MAGEL2: variants seen among roughly 807,000 people sequenced by gnomAD.
MAGEL2 encodes MAGE-like protein 2.
For synonymous variants in MAGEL2, 792 were observed against 721.7 expected (o/e 1.10, Z -1.56); for missense variants, 1,830 against 1,699.2 (o/e 1.08, Z -1.35).
Position 23,643,828 on chromosome 15 carries a change from A to T in MAGEL2, c.*165T>A. 1.4e-6 allele frequency: 1 copy of T among 690,662 alleles called. No homozygotes were observed. Among genetic ancestry groups the T allele is most frequent in the Non-Finnish European group, 2.3e-6 (1 of 443,322 alleles). 42.8% of individuals were successfully genotyped at this position (690,662 alleles called of 1,614,324 possible). A position where few individuals can be genotyped will look rare whatever the true frequency, so the allele number is the denominator to read the frequency against. On this transcript the variant is annotated 3_prime_UTR_variant, in exon 1 of 1. Transcript: ENST00000650528. The stretch of plus-strand genomic sequence containing the variant: ...AGAACAGTAGCCGATTGAAATCAAC[A>T]CCACATAAAAAATGTACAAAGCTTT...
Position 23,643,742 on chromosome 15 carries a change from T to C in MAGEL2, c.*251A>G. The stretch of plus-strand genomic sequence containing the variant: ...AAAGCTGATACCAAAACATAACAAT[T>C]AAAACACAAAACAGAGAACCACAGA... On this transcript the variant is annotated 3_prime_UTR_variant, in exon 1 of 1. Coordinates refer to ENST00000650528, the MANE Select transcript of MAGEL2 (RefSeq NM_019066.5). 2.5e-6 allele frequency: 1 copy of C among 407,502 alleles called. No homozygotes were observed. Among genetic ancestry groups the C allele is most frequent in the Non-Finnish European group, 4.3e-6 (1 of 232,396 alleles). The allele number at this position is 407,502 out of a possible 1,614,324, so 25.2% of individuals were successfully genotyped here. A position where few individuals can be genotyped will look rare whatever the true frequency, so the allele number is the denominator to read the frequency against.
rs1433820460 is a variant in MAGEL2, at chr15:23,647,606, G to A, written c.137C>T (p.Pro46Leu). The change falls in exon 1 of 1, where the codon CCA becomes CTA. Residue 46 changes from proline to leucine, a missense_variant. Physicochemically the swap from Pro to Leu is moderately conservative, Grantham distance 98. Transcript: ENST00000650528. Reference protein sequence around the residue: ...SSRAPPVPWDPPPIDLQASLA... With the variant: ...SSRAPPVPWDLPPIDLQASLA... ...TGAAGCCTGCAAGTCAATTGGAGGT[G>A]GATCCCAAGGGACTGGCGGAGCCCG... 30 of 1,536,766 alleles carry A rather than the reference G, an allele frequency of 2.0e-5. No homozygotes were observed. The highest frequency in any genetic ancestry group is 6.1e-6 in the Non-Finnish European group (7 of 1,146,864).
In MAGEL2 at chr15:23,647,703, G is replaced by A. The variant is rs564302786; in HGVS notation, c.40C>T (p.Pro14Ser). The A allele has an allele frequency of 4.0e-5, 59 of 1,484,500 alleles. No individual in the cohort carries two copies. The highest frequency in any genetic ancestry group is 5.2e-5 in the Non-Finnish European group (58 of 1,124,410). 92.0% of individuals were successfully genotyped at this position (1,484,500 alleles called of 1,614,324 possible). ...LSKNLGDSSP[P>S]AEAPKPPVYS... The stretch of plus-strand genomic sequence containing the variant: ...ACAGGCGGCTTCGGGGCCTCCGCCG[G>A]AGGACTCGAGTCACCCAGATTCTTA... The change falls in exon 1 of 1, where the codon CCG (proline) becomes TCG (serine). Residue 14 changes from proline to serine, a missense_variant. Transcript: ENST00000650528.
chr15:23,645,263 C>T lies in MAGEL2; in HGVS notation c.2480G>A (p.Cys827Tyr). The T allele has an allele frequency of 3.7e-6, 6 of 1,613,960 alleles. No homozygotes were observed. Among genetic ancestry groups the T allele is most frequent in the Non-Finnish European group, 5.1e-6 (6 of 1,179,894 alleles). Residue 827 changes from cysteine (C) to tyrosine (Y), a missense_variant, in exon 1 of 1, where the codon TGT becomes TAT. Transcript: ENST00000650528. ...LPYALQDPFA[C>Y]VEALPAVPWV... is the part of the protein sequence containing the mutation. ...TGGAACTGCAGGCAGGGCCTCTACA[C>T]AGGCAAAGGGATCCTGCAGAGCATA...
At position 23,644,766 on chromosome 15, in the gene MAGEL2, C is replaced by G. The variant is rs573023653; in HGVS notation, c.2977G>C (p.Val993Leu). 6.2e-7 allele frequency: 1 copy of G among 1,613,794 alleles called. No individual in the cohort carries two copies. The highest frequency in any genetic ancestry group is 8.5e-7 in the Non-Finnish European group (1 of 1,179,894). Residue 993 changes from valine (V) to leucine (L), a missense_variant, in exon 1 of 1, where the codon GTG becomes CTG. Transcript: ENST00000650528. ...ESPGSSLPVV[V>L]SEVASVSPGS... ...GGAGAGACACTTGCGACCTCAGACA[C>G]AACTACGGGCAGAGAGCTCCCTGGG...
chr15:23,645,839 G>A lies in MAGEL2; in HGVS notation c.1904C>T (p.Ala635Val), dbSNP rs752655122. Residue 635 changes from alanine to valine, a missense_variant, in exon 1 of 1, where the codon GCC becomes GTC. Ala to Val is a moderately conservative substitution (Grantham distance 64). Transcript: ENST00000650528. ...HIWQPLPAQEAQRQAPPLVQL... is the reference protein window; with the variant it reads ...HIWQPLPAQEVQRQAPPLVQL... ...GACCAAGGGGGGAGCCTGCCTCTGGGCCTCCTGGGCAGGCAGGGGCTGCCA... is the reference window on the plus strand; with the variant it reads ...GACCAAGGGGGGAGCCTGCCTCTGGACCTCCTGGGCAGGCAGGGGCTGCCA... The A allele has an allele frequency of 6.3e-7, 1 of 1,582,878 alleles. No homozygotes were observed. Among genetic ancestry groups the A allele is most frequent in the Non-Finnish European group, 8.6e-7 (1 of 1,165,416 alleles).
Position 23,646,006 on chromosome 15 carries a change from A to T in MAGEL2, c.1737T>A (p.Ala579=), listed in dbSNP as rs1334025887. 5 of 1,551,428 alleles carry T rather than the reference A, an allele frequency of 3.2e-6. No individual in the cohort carries two copies. The highest frequency in any genetic ancestry group is 1.4e-5 in the African/African-American group (1 of 73,116). ...GCCAGATGATGGAAGGGCAGTGCAC[A>T]GCCTGCGGGGCAGACAGTGGGGCAG... ...PLSAPLSAPQ[A]VHCPSIIWQA... is the part of the protein sequence containing the mutation. Residue 579 remains alanine (A), a synonymous_variant, in exon 1 of 1, where the codon GCT becomes GCA. Coordinates refer to ENST00000650528, the MANE Select transcript of MAGEL2 (RefSeq NM_019066.5). This position sits in a 1 kb window ranked among gnomAD's most constrained non-coding sequence, Gnocchi z 4.2.
chr15:23,644,026 G>C lies in MAGEL2; in HGVS notation c.3717C>G (p.Ala1239=). The C allele has an allele frequency of 6.2e-7, 1 of 1,608,604 alleles. No homozygotes were observed. Among genetic ancestry groups the C allele is most frequent in the Non-Finnish European group, 8.5e-7 (1 of 1,176,424 alleles). The change falls in exon 1 of 1, where the codon GCC becomes GCG. Residue 1239 remains alanine, a synonymous_variant. Transcript: ENST00000650528. ...DEDEPDTGDS[A]HGPTSRPPPR is the part of the protein sequence containing the mutation. Reference sequence around the variant, plus strand: ...GAGGGGGCCTGCTGGTGGGGCCGTGGGCACTGTCACCGGTGTCAGGTTCAT... The same window carrying C: ...GAGGGGGCCTGCTGGTGGGGCCGTGCGCACTGTCACCGGTGTCAGGTTCAT...
chr15:23,645,780 AG>A lies in MAGEL2; in HGVS notation c.1962del (p.Ser655ProfsTer47). The A allele has an allele frequency of 6.3e-7, 1 of 1,583,950 alleles. No individual in the cohort carries two copies. Among genetic ancestry groups the A allele is most frequent in the Non-Finnish European group, 8.6e-7 (1 of 1,167,272 alleles). The part of the protein sequence containing the change: ...QLEQPFQGAP[P>X]SQKAVQIQLP... ...AGCTGGATTTGCACGGCTTTTTGGG[AG>A]GGCGGGGCTCCCTGAAAGGGCTGCT... On this transcript the variant is annotated frameshift_variant, in exon 1 of 1. Coordinates refer to ENST00000650528, the MANE Select transcript of MAGEL2 (RefSeq NM_019066.5). LOFTEE classifies it low-confidence loss of function (END_TRUNC).
chr15:23,646,193 A>G lies in MAGEL2; in HGVS notation c.1550T>C (p.Leu517Pro). The G allele has an allele frequency of 7.5e-7, 1 of 1,330,068 alleles. No homozygotes were observed. The allele number at this position is 1,330,068 out of a possible 1,614,324, so 82.4% of individuals were successfully genotyped here. Residue 517 changes from leucine (L) to proline (P), a missense_variant, in exon 1 of 1, where the codon CTG (leucine) becomes CCG (proline). Physicochemically the swap from Leu to Pro is moderately conservative, Grantham distance 98 (BLOSUM62 -3). Coordinates refer to ENST00000650528, the MANE Select transcript of MAGEL2 (RefSeq NM_019066.5). This position sits in a 1 kb window ranked among gnomAD's most constrained non-coding sequence, Gnocchi z 4.2. ...LATQPPLWQA[L>P]PPPPPLRQAP... ...CTGCCGCAGTGGAGGTGGGGGTGGCAGGGCCTGCCAGAGCGGTGGCTGGGT... is the reference window on the plus strand; with the variant it reads ...CTGCCGCAGTGGAGGTGGGGGTGGCGGGGCCTGCCAGAGCGGTGGCTGGGT...
chr15:23,644,040 T>G lies in MAGEL2; in HGVS notation c.3703A>C (p.Thr1235Pro). The G allele has an allele frequency of 6.2e-7, 1 of 1,611,952 alleles. No homozygotes were observed. Among genetic ancestry groups the G allele is most frequent in the Non-Finnish European group, 8.5e-7 (1 of 1,178,690 alleles). Residue 1235 changes from threonine to proline, a missense_variant, in exon 1 of 1, where the codon ACC becomes CCC. By Grantham distance (38) the Thr-to-Pro change is conservative. Transcript: ENST00000650528. The stretch of plus-strand genomic sequence containing the variant: ...GTGGGGCCGTGGGCACTGTCACCGG[T>G]GTCAGGTTCATCCTCATCTGTGTCT... ...WEDTDEDEPD[T>P]GDSAHGPTSR... is the part of the protein sequence containing the mutation.
chr15:23,647,243 G>T lies in MAGEL2; in HGVS notation c.500C>A (p.Thr167Asn), dbSNP rs1242126221. The T allele has an allele frequency of 3.3e-6, 5 of 1,526,878 alleles. No homozygotes were observed. Among genetic ancestry groups the T allele is most frequent in the African/African-American group, 1.4e-5 (1 of 72,994 alleles). 94.6% of individuals were successfully genotyped at this position (1,526,878 alleles called of 1,614,324 possible). A position where few individuals can be genotyped will look rare whatever the true frequency, so the allele number is the denominator to read the frequency against. The change falls in exon 1 of 1, where the codon ACC (threonine) becomes AAC (asparagine). Residue 167 changes from threonine to asparagine, a missense_variant. Transcript: ENST00000650528. ...CGGAGGAGGAGGATGGGCCATCGGG[G>T]TCCCCGGAGGAGGAGGATGGGCCAT... ...TPMAHPPPPGTPMAHPPPPGT... is the reference protein window; with the variant it reads ...TPMAHPPPPGNPMAHPPPPGT...
At position 23,646,239 on chromosome 15, in the gene MAGEL2, G is replaced by A; in HGVS notation, c.1504C>T (p.Pro502Ser). 1 of 1,358,878 alleles carries A rather than the reference G, an allele frequency of 7.4e-7. No individual in the cohort carries two copies. The allele number at this position is 1,358,878 out of a possible 1,614,324, so 84.2% of individuals were successfully genotyped here. A position where few individuals can be genotyped will look rare whatever the true frequency, so the allele number is the denominator to read the frequency against. The change falls in exon 1 of 1, where the codon CCT (proline) becomes TCT (serine). Residue 502 changes from proline to serine, a missense_variant. Pro to Ser is a moderately conservative substitution (Grantham distance 74, BLOSUM62 -1). Transcript: ENST00000650528. The surrounding 1 kb of genome is among the most constrained non-coding windows in gnomAD (Gnocchi z 4.2). ...TGGGTGGCCAGGACCTGTGGGGCAG[G>A]TCGGATGGGCGGCGGCGCCTGGCGG... is the stretch of plus-strand genomic sequence containing the variant. Reference protein sequence around the residue: ...LIRQAPPPIRPAPQVLATQPP... With the variant: ...LIRQAPPPIRSAPQVLATQPP...
At position 23,644,690 on chromosome 15, in the gene MAGEL2, G is replaced by T; in HGVS notation, c.3053C>A (p.Ser1018Tyr). The change falls in exon 1 of 1, where the codon TCT becomes TAT. Residue 1018 changes from serine to tyrosine, a missense_variant. Ser to Tyr is a moderately radical substitution (Grantham distance 144). Coordinates refer to ENST00000650528, the MANE Select transcript of MAGEL2 (RefSeq NM_019066.5). ...DNSKVEAQPLSPLDERANALV... is the reference protein window; with the variant it reads ...DNSKVEAQPLYPLDERANALV... ...CGCATTTGCCCTCTCATCCAAGGGA[G>T]ACAAGGGCTGTGCCTCCACCTTGGA... 1 of 1,613,882 alleles carries T rather than the reference G, an allele frequency of 6.2e-7. No individual in the cohort carries two copies. The highest frequency in any genetic ancestry group is 8.5e-7 in the Non-Finnish European group (1 of 1,179,884).
In MAGEL2 at chr15:23,647,086, C is replaced by T. The variant is rs1890428533; in HGVS notation, c.657G>A (p.Met219Ile). The change falls in exon 1 of 1, where the codon ATG becomes ATA. Residue 219 changes from methionine (M) to isoleucine (I), a missense_variant. By Grantham distance (10) the Met-to-Ile change is conservative. Coordinates refer to ENST00000650528, the MANE Select transcript of MAGEL2 (RefSeq NM_019066.5). ...GTGTACCCGGAGGGGGAGGATGAGC[C>T]ATCGGTGTCCCCGGAGGTGGAGGAT... ...MAHPPPPGTPMAHPPPPGTPM... is the reference protein window; with the variant it reads ...MAHPPPPGTPIAHPPPPGTPM... 1 of 1,534,116 alleles carries T rather than the reference C, an allele frequency of 6.5e-7. No homozygotes were observed.
chr15:23,645,541 C>T lies in MAGEL2; in HGVS notation c.2202G>A (p.Glu734=), dbSNP rs1183005889. 1.9e-6 allele frequency: 3 copies of T among 1,613,548 alleles called. No homozygotes were observed. The highest frequency in any genetic ancestry group is 1.3e-5 in the African/African-American group (1 of 74,934). ...TGCGCTCCTTCGAGGAGGTCCTGCG[C>T]TCTTTAGAGGAGCCCCTGCGGTCTA... The part of the protein sequence containing the change: ...SSIDRRGSSK[E]RRTSSKERRA... Residue 734 remains glutamate (E), a synonymous_variant, in exon 1 of 1, where the codon GAG becomes GAA. Coordinates refer to ENST00000650528, the MANE Select transcript of MAGEL2 (RefSeq NM_019066.5).
rs755409400 is a variant in MAGEL2, at chr15:23,647,095, C to T, written c.648G>A (p.Gly216=). 6.5e-7 allele frequency: 1 copy of T among 1,532,042 alleles called. No homozygotes were observed. Among genetic ancestry groups the T allele is most frequent in the South Asian group, 1.2e-5 (1 of 83,212 alleles). The allele number at this position is 1,532,042 out of a possible 1,614,324, so 94.9% of individuals were successfully genotyped here. A position where few individuals can be genotyped will look rare whatever the true frequency, so the allele number is the denominator to read the frequency against. Residue 216 remains glycine, a synonymous_variant, in exon 1 of 1, where the codon GGG becomes GGA. Coordinates refer to ENST00000650528, the MANE Select transcript of MAGEL2 (RefSeq NM_019066.5). ...GAGGGGGAGGATGAGCCATCGGTGT[C>T]CCCGGAGGTGGAGGATGAGCCATCG... is the stretch of plus-strand genomic sequence containing the variant. ...GTPMAHPPPP[G]TPMAHPPPPG... is the part of the protein sequence containing the mutation.
rs757388206 is a variant in MAGEL2 at position 23,644,129 on chromosome 15, T to C, written c.3614A>G (p.His1205Arg). 6.8e-6 allele frequency: 11 copies of C among 1,613,900 alleles called. No homozygotes were observed. In the East Asian group the frequency reaches 1.1e-4, roughly 16 times the overall value. ...MLVLRFLAKL[H>R]KKDPQSWPFH... ...TGGCCAGCTCTGTGGATCTTTCTTA[T>C]GGAGCTTGGCCAAAAACCTCAGGAC... Residue 1205 changes from histidine (H) to arginine (R), a missense_variant, in exon 1 of 1, where the codon CAT becomes CGT. Physicochemically the swap from His to Arg is conservative, Grantham distance 29. Transcript: ENST00000650528.
Position 23,646,666 on chromosome 15 carries a change from T to G in MAGEL2, c.1077A>C (p.Pro359=). The G allele has an allele frequency of 6.6e-7, 1 of 1,505,836 alleles. No homozygotes were observed. The highest frequency in any genetic ancestry group is 8.8e-7 in the Non-Finnish European group (1 of 1,131,114). 93.3% of individuals were successfully genotyped at this position (1,505,836 alleles called of 1,614,324 possible). ...PQVPQGPQAP[P]AQLATPPGWQ... is the part of the protein sequence containing the mutation. The stretch of plus-strand genomic sequence containing the variant: ...AGCCCGGGGGTGTGGCTAGCTGCGC[T>G]GGGGGTGCCTGCGGGCCCTGGGGAA... The change falls in exon 1 of 1, where the codon CCA becomes CCC. Residue 359 remains proline, a synonymous_variant. Transcript: ENST00000650528. This position sits in a 1 kb window ranked among gnomAD's most constrained non-coding sequence, Gnocchi z 4.2.
Sources: gnomAD v4.1 joint callset for allele counts on GRCh38, gnomAD v4.1.1 for gene constraint, Gnocchi (gnomAD v3.1) non-coding constraint, MANE v1.5 for transcripts, NCBI Gene and HGNC (gene_info 2026-07-23, HGNC 2026-07-21) for gene names.